CTNNA2: variants seen among roughly 807,000 people sequenced by gnomAD.
The protein encoded by CTNNA2 is catenin alpha-2.
In CTNNA2, 42 loss-of-function variants were observed where a neutral mutation model predicts 101.0. The ratio of observed to expected loss-of-function variants is 0.42; its 90% CI spans 0.32 to 0.54. The LOEUF is 0.54. Ranked by LOEUF, CTNNA2 falls within the 20% of genes least tolerant of loss-of-function variation. The pLI, the probability that CTNNA2 is intolerant of heterozygous loss-of-function variation, is 0.14. For synonymous variants in CTNNA2, 450 were observed against 456.4 expected (o/e 0.99, Z 0.18); for missense variants, 871 against 1,223.1 (o/e 0.71, Z 4.29).
intron 2 of CTNNA2, among the ~76,000 whole-genome samples, chr2:79,707,143 A>G (rs1265932227): frequency 6.6e-6 from 1 of 152,138 alleles, no homozygotes; most frequent in African/African-American, 2.4e-5. Flanking sequence ...CTGGCTCAGC[A>G]ACATCTGTGC....
At chr2:80,558,462 A>ATGTGTG (rs371107247) in intron 12 of CTNNA2, among the ~76,000 whole-genome samples, 2 of 35,728 alleles carry the variant, frequency 5.6e-5, no homozygotes, top group African/African-American at 9.9e-5. Flanking sequence ...GTGTGTGTAT[A>ATGTGTG]TATGTGTGTG....
chr2:80,383,529 G>T (rs528441484), intron 7 of CTNNA2, among the ~76,000 whole-genome samples: 10 of 152,196 alleles, frequency 6.6e-5, no homozygotes, highest in African/African-American at 2.2e-4. Flanking sequence ...TGCATGGTTT[G>T]GCACACTACC....
chr2:79,269,141 G>A (rs1675028580), intron 2 of CTNNA2, among the ~76,000 whole-genome samples: 1 of 152,066 alleles, frequency 6.6e-6, no homozygotes, highest in African/African-American at 2.4e-5. Flanking sequence ...CTCTTATACA[G>A]CATGAAAGGG....
At chr2:80,646,531 G>A (rs960386927) in intron 18 of CTNNA2, among the ~76,000 whole-genome samples, 1 of 151,922 alleles carries the variant, frequency 6.6e-6, no homozygotes, top group African/African-American at 2.4e-5. Flanking sequence ...TCAGGATATA[G>A]AAATAGTGTA....
intron 2 of CTNNA2, among the ~76,000 whole-genome samples, chr2:79,707,086 T>G (rs1006168988): frequency 7.2e-5 from 11 of 152,154 alleles, no homozygotes; most frequent in African/African-American, 2.4e-4. Flanking sequence ...TTATGAATCA[T>G]GGAAAGGACC....
chr2:79,941,079 G>A (rs1316702790), intron 7 of CTNNA2, among the ~76,000 whole-genome samples: 1 of 152,138 alleles, frequency 6.6e-6, no homozygotes, highest in Admixed American at 6.5e-5. Flanking sequence ...AATCAGCTTT[G>A]TGGCTGCCAG....
chr2:79,879,580 A>G (rs1683271471), intron 6 of CTNNA2, among the ~76,000 whole-genome samples: 1 of 152,018 alleles, frequency 6.6e-6, no homozygotes, highest in South Asian at 2.1e-4. Context: ...CTTTGTAGCT[A>G]TTGTGAATGG....
chr2:79,540,905 G>A (rs369340115), intron 1 of CTNNA2, among the ~76,000 whole-genome samples: 2 of 152,092 alleles, frequency 1.3e-5, no homozygotes, highest in African/African-American at 4.8e-5. Context: ...ACTTAACATG[G>A]TATGGAGAGT....
intron 7 of CTNNA2, among the ~76,000 whole-genome samples, chr2:80,356,348 G>C (rs1243568899): frequency 6.6e-6 from 1 of 152,074 alleles, no homozygotes; most frequent in Non-Finnish European, 1.5e-5. Context: ...ATTATACCTA[G>C]AGTGAGCTCA....
intron 7 of CTNNA2, among the ~76,000 whole-genome samples, chr2:79,940,556 G>C (rs17018175): frequency 0.013 from 1,959 of 152,296 alleles, 108 homozygotes; most frequent in Admixed American, 0.097. Context: ...AGCAGATGAA[G>C]GTTGCCATGA....
chr2:80,211,385 A>C (rs1002440670), intron 7 of CTNNA2, among the ~76,000 whole-genome samples: 25 of 152,126 alleles, frequency 1.6e-4, no homozygotes, highest in Admixed American at 3.3e-4. Context: ...TCTTGAGTTA[A>C]TTTTTGTATA....
At chr2:80,348,729 C>T (rs545638793) in intron 7 of CTNNA2, among the ~76,000 whole-genome samples, 14 of 149,432 alleles carry the variant, frequency 9.4e-5, no homozygotes, top group Non-Finnish European at 1.5e-4. Flanking sequence ...ACTGAGTAAA[C>T]GTAGTATATG....
At chr2:79,680,439 T>C (rs982046014) in intron 2 of CTNNA2, among the ~76,000 whole-genome samples, 1 of 152,072 alleles carries the variant, frequency 6.6e-6, no homozygotes, top group African/African-American at 2.4e-5. Context: ...TTTTCTCACA[T>C]TGAAAAGAGT....
At chr2:80,043,119 CTCCTTCCT>C (rs70940072) in intron 7 of CTNNA2, among the ~76,000 whole-genome samples, 5,692 of 51,732 alleles carry the variant, frequency 0.11, 373 homozygotes, top group Middle Eastern at 0.21. Flanking sequence ...CTCTTTCTTT[CTCCTTCCT>C]TCCTTCCTTC....
intron 7 of CTNNA2, among the ~76,000 whole-genome samples, chr2:79,945,910 C>T (rs1413008430): frequency 6.6e-6 from 1 of 152,058 alleles, no homozygotes; most frequent in Non-Finnish European, 1.5e-5. Context: ...CAGAGCTGCA[C>T]ACACGGTGCT....
intron 7 of CTNNA2, among the ~76,000 whole-genome samples, chr2:80,049,612 C>T (rs1016900041): frequency 5.3e-5 from 8 of 152,120 alleles, no homozygotes; most frequent in South Asian, 4.1e-4. Flanking sequence ...CACTCATGGC[C>T]GGTGCTGCCT....
intron 3 of CTNNA2, among the ~76,000 whole-genome samples, chr2:79,842,456 A>G (rs1057424754): frequency 6.6e-6 from 1 of 152,134 alleles, no homozygotes; most frequent in African/African-American, 2.4e-5. Context: ...GTAAGCTATT[A>G]TTATTGCTAT....
intron 7 of CTNNA2, among the ~76,000 whole-genome samples, chr2:79,982,730 G>A (rs999674738): frequency 6.6e-6 from 1 of 151,798 alleles, no homozygotes; most frequent in Admixed American, 6.6e-5. Context: ...TTTTTTCTCT[G>A]GGAAATTTTG....
At chr2:79,876,204 G>T (rs952533273) in intron 6 of CTNNA2, among the ~76,000 whole-genome samples, 2 of 152,130 alleles carry the variant, frequency 1.3e-5, no homozygotes, top group South Asian at 4.1e-4. Flanking sequence ...ACAGAGGAGT[G>T]ATAAAGGATT....
Sources: gnomAD v4.1 joint callset for allele counts (sites outside exome capture counted in the v4.1 genomes callset) on GRCh38, gnomAD v4.1.1 for gene constraint, MANE v1.5 for transcripts, NCBI Gene and HGNC (gene_info 2026-07-23, HGNC 2026-07-21) for gene names.